Variants in SUMF1 observed in about 807,000 individuals in gnomAD.
The protein encoded by SUMF1 is formylglycine-generating enzyme.
SUMF1 carries 48 observed loss-of-function variants against 47.6 expected under a neutral mutation model. The ratio of observed to expected loss-of-function variants is 1.01; its 90% CI spans 0.80 to 1.28. SUMF1 has a LOEUF of 1.28. Among genes scored for constraint, SUMF1 ranks in the 50% most tolerant of loss-of-function variants. The pLI, the probability that SUMF1 is intolerant of heterozygous loss-of-function variation, is 0.00. For missense variants in SUMF1, 571 were observed against 485.4 expected, an observed-to-expected ratio of 1.18 and a Z score of -1.66; for synonymous variants, 230 against 192.1, an observed-to-expected ratio of 1.20 and a Z score of -1.63.
chr3:4,158,993 A>G (rs1409486955), intron 8 of SUMF1, among the ~76,000 whole-genome samples: 1 of 151,562 alleles, frequency 6.6e-6, no homozygotes, highest in Non-Finnish European at 1.5e-5. Context: ...GTTATTATTG[A>G]TAAGTATTGT....
chr3:4,460,583 G>C (rs999537328), intron 1 of SUMF1, among the ~76,000 whole-genome samples: 2 of 150,244 alleles, frequency 1.3e-5, no homozygotes, highest in South Asian at 4.2e-4. Context: ...TCTAGCTCAT[G>C]TGCCCTCACA....
At position 4,248,641 on chromosome 3, in the gene SUMF1, C is replaced by T. The variant is rs187441899; in HGVS notation, c.1014+127689G>A. On this transcript the variant is annotated intron_variant and NMD_transcript_variant, in intron 8 of 12. Coordinates refer to the SUMF1 transcript ENST00000448413. ...GAATTGATATAAGAAACATCCCACC[C>T]CTCAGCTACACTTTAGAATCCAAAA... Among the ~76,000 whole-genome samples, 140 of 152,308 alleles carry T rather than the reference C, an allele frequency of 9.2e-4. 1 individual carries two copies. The highest frequency in any genetic ancestry group is 5.4e-3 in the Admixed American group (82 of 15,298).
intron 9 of SUMF1, among the ~76,000 whole-genome samples, chr3:4,041,107 C>G (rs1262344620): frequency 6.6e-6 from 1 of 152,188 alleles, no homozygotes; most frequent in Non-Finnish European, 1.5e-5. Flanking sequence ...GAATCTCACT[C>G]TGTAGCCCAG....
At chr3:4,204,810 C>T (rs1270832333) in intron 8 of SUMF1, among the ~76,000 whole-genome samples, 1 of 137,320 alleles carries the variant, frequency 7.3e-6, no homozygotes. Context: ...ACTTTTTCAG[C>T]TCCAGGATCT....
chr3:4,367,200 C>G (rs561337971), intron 8 of SUMF1, among the ~76,000 whole-genome samples: 5 of 152,188 alleles, frequency 3.3e-5, no homozygotes, highest in South Asian at 2.1e-4. Flanking sequence ...GCAGTCTGCC[C>G]ATTCTCAGAT....
At chr3:4,267,237 C>T (rs1006049000) in intron 8 of SUMF1, among the ~76,000 whole-genome samples, 80 of 152,266 alleles carry the variant, frequency 5.3e-4, no homozygotes, top group Middle Eastern at 3.4e-3. Flanking sequence ...ATGCTGGCCT[C>T]ATAAAATGAG....
chr3:4,436,382 G>T (rs1702398414), intron 3 of SUMF1, among the ~76,000 whole-genome samples: 1 of 151,954 alleles, frequency 6.6e-6, no homozygotes, highest in South Asian at 2.1e-4. Context: ...TAAAGATATA[G>T]CCAAATAGAC....
At chr3:4,118,891 T>G (rs1693478006) in intron 8 of SUMF1, among the ~76,000 whole-genome samples, 1 of 152,168 alleles carries the variant, frequency 6.6e-6, no homozygotes, top group Admixed American at 6.5e-5. Flanking sequence ...ACTTGCTGGA[T>G]AGCCTTACTC....
At chr3:4,057,900 C>CT (rs1014289952) in intron 9 of SUMF1, among the ~76,000 whole-genome samples, 1 of 152,018 alleles carries the variant, frequency 6.6e-6, no homozygotes, top group African/African-American at 2.4e-5. Context: ...TCAAAGTCTG[C>CT]TTTTTTCTCT....
intron 8 of SUMF1, among the ~76,000 whole-genome samples, chr3:4,338,233 C>T (rs890646085): frequency 5.3e-5 from 8 of 151,934 alleles, no homozygotes; most frequent in Non-Finnish European, 1.2e-4. Flanking sequence ...TACAATCACA[C>T]CATGCACTCC....
At chr3:4,271,510 GATA>G (rs752335375) in intron 8 of SUMF1, among the ~76,000 whole-genome samples, 17,047 of 147,730 alleles carry the variant, frequency 0.12, 1,141 homozygotes, top group Middle Eastern at 0.15. Context: ...TAGATAGATA[GATA>G]GATAGATACA....
intron 8 of SUMF1, among the ~76,000 whole-genome samples, chr3:4,224,699 C>G (rs539838272): frequency 2.6e-5 from 4 of 151,658 alleles, no homozygotes; most frequent in Non-Finnish European, 5.9e-5. Flanking sequence ...TGGGGCCAAT[C>G]AGATCTTTCT....
intron 8 of SUMF1, among the ~76,000 whole-genome samples, chr3:4,228,189 T>C (rs955797015): frequency 6.6e-5 from 10 of 152,120 alleles, no homozygotes; most frequent in Admixed American, 3.9e-4. Context: ...TTTATAACTA[T>C]GAATCTTCAG....
intron 8 of SUMF1, among the ~76,000 whole-genome samples, chr3:4,250,341 G>T (rs1696769311): frequency 6.6e-6 from 1 of 151,460 alleles, no homozygotes; most frequent in Non-Finnish European, 1.5e-5. Context: ...GGAAGGAAGG[G>T]AAGGGAAAGA....
At chr3:4,272,929 G>A (rs1697331771) in intron 8 of SUMF1, among the ~76,000 whole-genome samples, 3 of 151,984 alleles carry the variant, frequency 2.0e-5, no homozygotes, top group African/African-American at 7.2e-5. Context: ...TTAAAAATTA[G>A]CGAGGCATCG....
intron 5 of SUMF1, 129 bp from the exon 6 acceptor site, chr3:4,417,371 A>G (rs1701748172): frequency 1.6e-6 from 1 of 625,400 alleles, no homozygotes; most frequent in Non-Finnish European, 2.8e-6. Context: ...AAATATATAT[A>G]TAAATAAATA....
chr3:4,147,945 A>G (rs1037693717), intron 8 of SUMF1, among the ~76,000 whole-genome samples: 1 of 152,134 alleles, frequency 6.6e-6, no homozygotes, highest in African/African-American at 2.4e-5. Flanking sequence ...CCTGAAGATA[A>G]GCAGCTCCGC....
At chr3:4,172,896 G>T (rs1379806059) in intron 8 of SUMF1, among the ~76,000 whole-genome samples, 1 of 152,116 alleles carries the variant, frequency 6.6e-6, no homozygotes, top group African/African-American at 2.4e-5. Context: ...TGTTGCCATT[G>T]CTTTTGGCAT....
intron 1 of SUMF1, among the ~76,000 whole-genome samples, chr3:4,455,498 C>G (rs1462283917): frequency 6.6e-6 from 1 of 152,160 alleles, no homozygotes; most frequent in Non-Finnish European, 1.5e-5. Context: ...GGTGGATCAC[C>G]TGAGGTCAAG....
Sources: allele counts gnomAD v4.1 joint callset (sites outside exome capture counted in the v4.1 genomes callset), GRCh38; gene constraint gnomAD v4.1.1; transcripts MANE v1.5; gene names NCBI Gene and HGNC (gene_info 2026-07-23, HGNC 2026-07-21).